The following CACNB4 variants were observed in gnomAD, a reference collection of about 807,000 sequenced individuals.
The protein encoded by CACNB4 is voltage-dependent L-type calcium channel subunit beta-4.
Under a neutral mutation model 71.2 loss-of-function variants are expected in CACNB4, and 32 were observed. The observed-to-expected ratio is 0.45, with a 90% CI of 0.34 to 0.60. CACNB4 has a LOEUF of 0.60. CACNB4 is among the 20% of genes least tolerant of loss of function. CACNB4 has a pLI of 0.01. For missense variants in CACNB4, 464 were observed against 647.9 expected, an observed-to-expected ratio of 0.72 and a Z score of 3.08; for synonymous variants, 231 against 236.9, an observed-to-expected ratio of 0.97 and a Z score of 0.23.
intron 2 of CACNB4, among the ~76,000 whole-genome samples, chr2:152,087,605 CA>C (rs1383670050): frequency 2.0e-5 from 3 of 151,164 alleles, no homozygotes; most frequent in African/African-American, 7.3e-5. Flanking sequence ...CTCACGCCAG[CA>C]TCTACACATT....
chr2:151,845,222 A>C lies in CACNB4; in HGVS notation c.1117-3134T>G, dbSNP rs560617671. Among the ~76,000 whole-genome samples, 73 of 152,382 alleles carry C rather than the reference A, an allele frequency of 4.8e-4. 1 individual carries two copies. The highest frequency in any genetic ancestry group is 1.7e-3 in the African/African-American group (72 of 41,590). On this transcript the variant is annotated intron_variant, in intron 12 of 13. Coordinates refer to ENST00000539935, the MANE Select transcript of CACNB4 (RefSeq NM_000726.5). Reference sequence around the variant, plus strand: ...TTTGTATATATCAGCACATGGTATAAGCCTCAGTCATTTCTAGGAAACTGC... The same window carrying C: ...TTTGTATATATCAGCACATGGTATACGCCTCAGTCATTTCTAGGAAACTGC...
Position 151,982,899 on chromosome 2 carries a change from A to C in CACNB4, c.148-99529T>G, listed in dbSNP as rs113524853. 2.4e-3 allele frequency among the ~76,000 whole-genome samples: 359 copies of C among 152,344 alleles called. 2 individuals are homozygous for C. Among genetic ancestry groups the C allele is most frequent in the Non-Finnish European group, 4.5e-3 (304 of 68,032 alleles). On this transcript the variant is annotated intron_variant, in intron 2 of 13. Coordinates refer to ENST00000539935, the MANE Select transcript of CACNB4 (RefSeq NM_000726.5). ...TATTGAGGTCAGTAGAATAGGAATA[A>C]AGACAACCAGAAAAATACATACAGA...
In CACNB4 at chr2:151,881,879, C is replaced by CTTTTT. The variant is rs34072100; in HGVS notation, c.268-962_268-958dup. Among the ~76,000 whole-genome samples the CTTTTT allele has an allele frequency of 8.3e-5, 11 of 133,028 alleles. No homozygotes were observed. In the East Asian group the frequency reaches 1.4e-3, roughly 17 times the overall value. The allele number at this position is 133,028 out of a possible 152,430, so 87.3% of individuals were successfully genotyped here. ...TTTGACTGCATCATTCTCCTCCCAT[C>CTTTTT]TTTTTTTTTTTTTTTTTTTGAGACG... On this transcript the variant is annotated intron_variant, in intron 3 of 13. Coordinates refer to ENST00000539935, the MANE Select transcript of CACNB4 (RefSeq NM_000726.5).
intron 2 of CACNB4, among the ~76,000 whole-genome samples, chr2:151,917,405 G>A (rs1009773589): frequency 6.6e-6 from 1 of 152,152 alleles, no homozygotes; most frequent in Non-Finnish European, 1.5e-5. Flanking sequence ...CTAGACATGT[G>A]GGTTAATAAA....
intron 2 of CACNB4, among the ~76,000 whole-genome samples, chr2:152,049,171 TA>T (rs1253936645): frequency 6.7e-5 from 10 of 150,256 alleles, no homozygotes; most frequent in Admixed American, 4.6e-4. Context: ...TTTTTTTTTT[TA>T]AACTTTTTTT....
intron 2 of CACNB4, among the ~76,000 whole-genome samples, chr2:151,961,872 ACAGAGGAAGACC>A (rs1459742775): frequency 6.7e-6 from 1 of 148,178 alleles, no homozygotes; most frequent in Non-Finnish European, 1.5e-5. Flanking sequence ...AGACTGGGCA[ACAGAGGAAGACC>A]CTGTCTCAAA....
chr2:152,018,304 G>GTTTTCCTCC (rs1405618586), intron 2 of CACNB4, among the ~76,000 whole-genome samples: 1 of 152,080 alleles, frequency 6.6e-6, no homozygotes, highest in Admixed American at 6.6e-5. Flanking sequence ...AGAGAAGAAA[G>GTTTTCCTCC]TTTAAAAATA....
At chr2:152,079,734 G>A (rs182197086) in intron 2 of CACNB4, among the ~76,000 whole-genome samples, 4 of 152,212 alleles carry the variant, frequency 2.6e-5, no homozygotes, top group Admixed American at 6.5e-5. Context: ...CGCAATGGGC[G>A]GTGATGGCGC....
At position 152,098,527 on chromosome 2, in the gene CACNB4, G is replaced by C; in HGVS notation, c.64-114C>G. On this transcript the variant is annotated intron_variant, in intron 1 of 13. Coordinates refer to ENST00000539935, the MANE Select transcript of CACNB4 (RefSeq NM_000726.5). This position sits in a 1 kb window ranked among gnomAD's most constrained non-coding sequence, Gnocchi z 5.3. ...GACCCGCTCCCTGGGGTCCCCTAGA[G>C]CCCGCACCCAAGTCTCCTCCGCGAC... 5 of 1,358,100 alleles carry C rather than the reference G, an allele frequency of 3.7e-6. No homozygotes were observed. Among genetic ancestry groups the C allele is most frequent in the Non-Finnish European group, 5.2e-6 (5 of 956,076 alleles). 84.1% of individuals were successfully genotyped at this position (1,358,100 alleles called of 1,614,324 possible). A position where few individuals can be genotyped will look rare whatever the true frequency, so the allele number is the denominator to read the frequency against.
intron 2 of CACNB4, among the ~76,000 whole-genome samples, chr2:152,040,386 TGA>T (rs1345471053): frequency 6.6e-6 from 1 of 152,214 alleles, no homozygotes; most frequent in Non-Finnish European, 1.5e-5. Context: ...CACATTTCAC[TGA>T]TACTTTCTTC....
chr2:151,956,634 T>C (rs537025286), intron 2 of CACNB4, among the ~76,000 whole-genome samples: 185 of 152,310 alleles, frequency 1.2e-3, no homozygotes, highest in African/African-American at 4.4e-3. Context: ...CTGAATATAG[T>C]AAAACCCCTG....
intron 2 of CACNB4, among the ~76,000 whole-genome samples, chr2:152,082,288 T>G (rs1687399848): frequency 6.6e-6 from 1 of 152,220 alleles, no homozygotes; most frequent in Admixed American, 6.5e-5. Flanking sequence ...TTTGCTACAT[T>G]ATAAAAGAAT....
chr2:151,849,350 T>C (rs1201511058), intron 12 of CACNB4, among the ~76,000 whole-genome samples: 1 of 152,138 alleles, frequency 6.6e-6, no homozygotes, highest in Non-Finnish European at 1.5e-5. Flanking sequence ...TCCAAACTCC[T>C]GGGTTCAAGC....
intron 2 of CACNB4, among the ~76,000 whole-genome samples, chr2:151,945,998 G>A (rs2099865487): frequency 6.6e-6 from 1 of 150,582 alleles, no homozygotes; most frequent in East Asian, 2.1e-4. Context: ...TACTGCTGCT[G>A]CTACTATTGT....
chr2:151,841,085 C>A (rs1436672382), intron 13 of CACNB4, among the ~76,000 whole-genome samples: 1 of 152,196 alleles, frequency 6.6e-6, no homozygotes, highest in Non-Finnish European at 1.5e-5. Flanking sequence ...ACCTGCACAG[C>A]CCCAAGAAAA....
At chr2:151,881,805 C>T (rs1284431937) in intron 3 of CACNB4, among the ~76,000 whole-genome samples, 2 of 152,120 alleles carry the variant, frequency 1.3e-5, no homozygotes, top group Non-Finnish European at 2.9e-5. Context: ...GCCCCTTCCA[C>T]CAACAGAGTA....
rs950700591 is a variant in CACNB4 at position 151,905,703 on chromosome 2, G to A, written c.148-22333C>T. On this transcript the variant is annotated intron_variant, in intron 2 of 13. Coordinates refer to ENST00000539935, the MANE Select transcript of CACNB4 (RefSeq NM_000726.5). ...AACTCAAGAAAACATGACATGTAAG[G>A]CCCAGCAAGGGAAAGATGACCAGCG... Among the ~76,000 whole-genome samples, 8 of 152,198 alleles carry A rather than the reference G, an allele frequency of 5.3e-5. 1 individual carries two copies. Among genetic ancestry groups the A allele is most frequent in the African/African-American group, 1.9e-4 (8 of 41,454 alleles).
chr2:151,958,036 G>A (rs373121574), intron 2 of CACNB4, among the ~76,000 whole-genome samples: 44 of 152,302 alleles, frequency 2.9e-4, no homozygotes, highest in African/African-American at 1.0e-3. Context: ...ACTGGGTGCT[G>A]TGAATCTTTT....
intron 2 of CACNB4, chr2:151,973,678 G>A (rs1472043605): frequency 6.2e-7 from 1 of 1,613,590 alleles, no homozygotes; most frequent in Non-Finnish European, 8.5e-7. Flanking sequence ...CAGCCTCCGA[G>A]TCTTCAATTC....
Sources: gnomAD v4.1 joint callset for allele counts (sites outside exome capture counted in the v4.1 genomes callset) on GRCh38, gnomAD v4.1.1 for gene constraint, Gnocchi (gnomAD v3.1) non-coding constraint, MANE v1.5 for transcripts, NCBI Gene and HGNC (gene_info 2026-07-23, HGNC 2026-07-21) for gene names.